CAST: variants seen among roughly 807,000 people sequenced by gnomAD.
The protein encoded by CAST is MIR583 host.
Under a neutral mutation model 119.6 loss-of-function variants are expected in CAST, and 76 were observed. That is an observed-to-expected ratio of 0.64 (90% confidence interval 0.53 to 0.77). CAST has a LOEUF of 0.77. Among genes scored for constraint, CAST ranks in the 30% least tolerant of loss-of-function variants. CAST has a pLI of 0.00. For synonymous variants in CAST, 319 were observed against 331.6 expected, an observed-to-expected ratio of 0.96 and a Z score of 0.41; for missense variants, 953 against 946.5, an observed-to-expected ratio of 1.01 and a Z score of -0.09.
chr5:96,632,014 G>A (rs1747825900), intron 1 of CAST, among the ~76,000 whole-genome samples: 1 of 131,130 alleles, frequency 7.6e-6, no homozygotes, highest in African/African-American at 3.2e-5. Context: ...ACTTGTTATT[G>A]TCCTTTTAAA....
At chr5:96,765,688 G>A (rs1259484193) in intron 26 of CAST, among the ~76,000 whole-genome samples, 1 of 152,044 alleles carries the variant, frequency 6.6e-6, no homozygotes, top group Non-Finnish European at 1.5e-5. Flanking sequence ...AAGGTACAGT[G>A]GCCTGATTTT....
At chr5:96,705,186 G>A (rs574598953) in intron 3 of CAST, among the ~76,000 whole-genome samples, 7 of 152,182 alleles carry the variant, frequency 4.6e-5, no homozygotes, top group Admixed American at 2.0e-4. Context: ...GCATGGTGGC[G>A]TGCACCTATG....
At chr5:96,171,996 A>C in the CAST span, among the ~76,000 whole-genome samples, 4 of 151,990 alleles carry the variant, frequency 2.6e-5, no homozygotes, top group Non-Finnish European at 5.9e-5. Context: ...GTGTGAAGAG[A>C]CCGCCAAACA....
intron 3 of CAST, among the ~76,000 whole-genome samples, chr5:96,716,519 C>CGGGGAT (rs1042839799): frequency 3.3e-5 from 5 of 152,090 alleles, no homozygotes; most frequent in Non-Finnish European, 5.9e-5. Context: ...GTTAAGGCTC[C>CGGGGAT]GGGGATGGGG....
chr5:96,680,088 T>A (rs1336992174), intron 2 of CAST, among the ~76,000 whole-genome samples: 1 of 151,896 alleles, frequency 6.6e-6, no homozygotes, highest in Non-Finnish European at 1.5e-5. Context: ...TGGTGGCTCA[T>A]GCCTATAATT....
chr5:96,417,255 C>T, the CAST span, among the ~76,000 whole-genome samples: 4 of 152,176 alleles, frequency 2.6e-5, no homozygotes, highest in Admixed American at 1.3e-4. Flanking sequence ...TTCCTGGTCT[C>T]CTTCCACAAA....
chr5:96,697,400 C>T (rs531990799), intron 3 of CAST, among the ~76,000 whole-genome samples: 1 of 152,266 alleles, frequency 6.6e-6, no homozygotes, highest in South Asian at 2.1e-4. Flanking sequence ...AGAGTTCTGA[C>T]TGCTCTCCAA....
At chr5:96,625,544 G>T (rs1381688296) in intron 1 of CAST, among the ~76,000 whole-genome samples, 1 of 152,186 alleles carries the variant, frequency 6.6e-6, no homozygotes, top group Admixed American at 6.5e-5. Context: ...TCTCATCAGT[G>T]AAATGACCTA....
chr5:96,002,526 G>C, the CAST span, among the ~76,000 whole-genome samples: 1 of 152,100 alleles, frequency 6.6e-6, no homozygotes, highest in Non-Finnish European at 1.5e-5. Context: ...ATCTTATCTG[G>C]GTACCCGGTC....
chr5:96,557,073 G>T (rs1746257151), intron 1 of CAST, among the ~76,000 whole-genome samples: 1 of 152,038 alleles, frequency 6.6e-6, no homozygotes, highest in Admixed American at 6.6e-5. Flanking sequence ...TTAAAGAAAA[G>T]AATTTTCAAC....
chr5:96,402,291 A>G, the CAST span, among the ~76,000 whole-genome samples: 6 of 152,332 alleles, frequency 3.9e-5, 1 homozygote, highest in South Asian at 4.1e-4. Flanking sequence ...TGCCCTCCCC[A>G]TGCAGACACA....
the CAST span, among the ~76,000 whole-genome samples, chr5:96,468,845 T>C: frequency 9.2e-3 from 1,402 of 152,050 alleles, 14 homozygotes; most frequent in Non-Finnish European, 0.013. Context: ...GGTAGAAAAA[T>C]GTATCTTTCC....
the CAST span, among the ~76,000 whole-genome samples, chr5:96,027,225 A>G: frequency 6.6e-6 from 1 of 152,150 alleles, no homozygotes; most frequent in Non-Finnish European, 1.5e-5. Flanking sequence ...ATGTCTTGAT[A>G]TAATATGCTT....
chr5:96,215,889 C>A, the CAST span, among the ~76,000 whole-genome samples: 1 of 152,286 alleles, frequency 6.6e-6, no homozygotes, highest in South Asian at 2.1e-4. Context: ...CTCACTGCAA[C>A]CTCTGCCTCT....
chr5:96,741,543 C>T lies in CAST; in HGVS notation c.1061C>T (p.Ala354Val), dbSNP rs1054692378. 4 of 1,613,466 alleles carry T rather than the reference C, an allele frequency of 2.5e-6. No individual in the cohort carries two copies. Among genetic ancestry groups the T allele is most frequent in the Middle Eastern group, 1.6e-4 (1 of 6,084 alleles). Residue 354 changes from alanine to valine, a missense_variant, in exon 15 of 32, where the codon GCT (alanine) becomes GTT (valine). Physicochemically the swap from Ala to Val is moderately conservative, Grantham distance 64. Coordinates refer to ENST00000675179, the MANE Select transcript of CAST (RefSeq NM_001750.7). ...KAQSAGTVRS[A>V]APPQEKKRKV... is the part of the protein sequence containing the mutation. ...CAGTCAGCAGGGACAGTCAGAAGTG[C>T]TGCTCCACCCCAAGAGAAGAAAAGA...
intron 29 of CAST, 135 bp from the exon 30 acceptor site, chr5:96,770,396 A>G (rs1771839937): frequency 1.6e-6 from 1 of 606,948 alleles, no homozygotes; most frequent in Non-Finnish European, 3.0e-6. Flanking sequence ...AAAATCATGA[A>G]AAAACACCCA....
intron 1 of CAST, among the ~76,000 whole-genome samples, chr5:96,559,803 C>T (rs1746319381): frequency 2.0e-5 from 3 of 152,092 alleles, no homozygotes; most frequent in African/African-American, 7.2e-5. Flanking sequence ...AGATTCAATG[C>T]CATCCCCATC....
chr5:96,500,141 C>G, the CAST span, among the ~76,000 whole-genome samples: 2 of 152,096 alleles, frequency 1.3e-5, no homozygotes, highest in Non-Finnish European at 2.9e-5. Flanking sequence ...ATCACTATAA[C>G]AGATAAAATA....
At chr5:96,350,673 G>C in the CAST span, among the ~76,000 whole-genome samples, 91 of 152,026 alleles carry the variant, frequency 6.0e-4, no homozygotes, top group Middle Eastern at 3.4e-3. Flanking sequence ...TAGTGATTTT[G>C]GGGTCCCGAG....
Sources: allele counts gnomAD v4.1 joint callset (sites outside exome capture counted in the v4.1 genomes callset), GRCh38; gene constraint gnomAD v4.1.1; transcripts MANE v1.5; gene names NCBI Gene and HGNC (gene_info 2026-07-23, HGNC 2026-07-21).